LY75: variants seen among roughly 807,000 people sequenced by gnomAD.
The protein encoded by LY75 is C-type lectin domain family 13 member B.
LY75 carries 185 observed loss-of-function variants against 231.7 expected under a neutral mutation model. That is an observed-to-expected ratio of 0.80 (90% CI 0.71 to 0.90). The LOEUF is 0.90. LY75 is among the 40% of genes least tolerant of loss of function. The pLI is 0.00. For synonymous variants in LY75, 668 were observed against 689.0 expected (o/e 0.97, Z 0.48); for missense variants, 1,947 against 2,050.2 (o/e 0.95, Z 0.97).
intron 27 of LY75, 132 bp from the exon 28 acceptor site, chr2:159,831,918 A>G: frequency 1.4e-6 from 1 of 693,156 alleles, no homozygotes; most frequent in Non-Finnish European, 2.2e-6. Flanking sequence ...AATTAGAAAC[A>G]TATGTAAAAT....
Position 159,852,217 on chromosome 2 carries a change from A to T in LY75, c.2867T>A (p.Ile956Asn). ...AAKVQCSEQW[I>N]PFQNKCFLKI... is the part of the protein sequence containing the mutation. ...TCTTTTTACCTTATTCTGAAAAGGAATCCATTGCTCAGAACATTGCACTTT... is the reference window on the plus strand; with the variant it reads ...TCTTTTTACCTTATTCTGAAAAGGATTCCATTGCTCAGAACATTGCACTTT... The change falls in exon 21 of 35, where the codon ATT becomes AAT. Residue 956 changes from isoleucine to asparagine, a missense_variant. Ile to Asn is a moderately radical substitution (Grantham distance 149). Transcript: ENST00000263636. The T allele has an allele frequency of 6.2e-7, 1 of 1,613,562 alleles. No individual in the cohort carries two copies. The highest frequency in any genetic ancestry group is 8.5e-7 in the Non-Finnish European group (1 of 1,179,794).
intron 19 of LY75, 129 bp from the exon 20 acceptor site, chr2:159,853,481 T>G (rs1281574342): frequency 4.1e-6 from 6 of 1,461,500 alleles, no homozygotes; most frequent in Non-Finnish European, 5.6e-6. Flanking sequence ...TTTTTCTTGA[T>G]GCTAACATGC....
At chr2:159,870,699 A>G (rs1259463981) in intron 13 of LY75, among the ~76,000 whole-genome samples, 1 of 147,304 alleles carries the variant, frequency 6.8e-6, no homozygotes, top group African/African-American at 2.5e-5. Flanking sequence ...TTAAATAGAG[A>G]TAGGGTCTCC....
At chr2:159,841,116 T>C in intron 24 of LY75, 161 bp from the exon 25 acceptor site, 1 of 639,228 alleles carries the variant, frequency 1.6e-6, no homozygotes, top group Non-Finnish European at 1.9e-6. Flanking sequence ...TCTTGCTGTA[T>C]ACCTTAAGGA....
intron 28 of LY75, among the ~76,000 whole-genome samples, chr2:159,827,304 G>A (rs1302779309): frequency 1.3e-5 from 2 of 152,126 alleles, no homozygotes; most frequent in African/African-American, 2.4e-5. Context: ...CAAAGGATAT[G>A]AACAGACACT....
At chr2:159,817,829 C>A (rs1683168151) in intron 29 of LY75, among the ~76,000 whole-genome samples, 1 of 152,094 alleles carries the variant, frequency 6.6e-6, no homozygotes, top group African/African-American at 2.4e-5. Context: ...GGGGGGATCA[C>A]CTGAGGTCAG....
In LY75 at chr2:159,904,504, CGCAGCCCTGCCCCA is replaced by C. The variant is rs1686179428; in HGVS notation, c.94+71_94+84del. On this transcript the variant is annotated intron_variant, in intron 1 of 34. Coordinates refer to ENST00000263636, the MANE Select transcript of LY75 (RefSeq NM_002349.4). ...AAGCAGCCGTGACCTGCCCCAGGGGCGCAGCCCTGCCCCAGGCTGGAAGGCAGCAGAGCTGTGGC... is the reference window on the plus strand; with the variant it reads ...AAGCAGCCGTGACCTGCCCCAGGGGCGGCTGGAAGGCAGCAGAGCTGTGGC... 13 of 1,372,546 alleles carry C rather than the reference CGCAGCCCTGCCCCA, an allele frequency of 9.5e-6. No individual in the cohort carries two copies. The South Asian group carries it at 1.9e-4, about 20-fold the overall frequency. The allele number at this position is 1,372,546 out of a possible 1,614,324, so 85.0% of individuals were successfully genotyped here. A position where few individuals can be genotyped will look rare whatever the true frequency, so the allele number is the denominator to read the frequency against.
chr2:159,808,023 TAGAG>T (rs1312344955), intron 33 of LY75: 6 of 936,198 alleles, frequency 6.4e-6, no homozygotes, highest in Non-Finnish European at 7.6e-6. Context: ...AAAATATTCT[TAGAG>T]AGAAGGGAAT....
chr2:159,855,080 G>T, intron 16 of LY75, 141 bp from the exon 17 acceptor site: 1 of 1,034,870 alleles, frequency 9.7e-7, no homozygotes, highest in Non-Finnish European at 1.4e-6. Context: ...TTCACGTTTT[G>T]ATCACTTTAG....
chr2:159,830,967 G>C (rs958439071), intron 28 of LY75, among the ~76,000 whole-genome samples: 3 of 152,198 alleles, frequency 2.0e-5, no homozygotes, highest in Admixed American at 2.0e-4. Flanking sequence ...AACACTAATA[G>C]AGTGATTCTG....
At chr2:159,831,540 A>G (rs1471486754) in intron 28 of LY75, 130 bp downstream of exon 28, 2 of 974,142 alleles carry the variant, frequency 2.1e-6, no homozygotes, top group Non-Finnish European at 3.1e-6. Context: ...GTATTTATGT[A>G]AGTTATGCTA....
intron 13 of LY75, among the ~76,000 whole-genome samples, chr2:159,870,154 T>C (rs1684968039): frequency 6.6e-6 from 1 of 152,156 alleles, no homozygotes; most frequent in Non-Finnish European, 1.5e-5. Flanking sequence ...GCAGAAGCTA[T>C]ATTAGAGCAA....
chr2:159,894,085 C>T lies in LY75; in HGVS notation c.467-1G>A. ...GAGTTCCCATCTCTGGTATAGATCT[C>T]TGGGTTGGAGAGGAAGTTGGGGAAA... On this transcript the variant is annotated splice_acceptor_variant, in intron 2 of 34. Coordinates refer to ENST00000263636, the MANE Select transcript of LY75 (RefSeq NM_002349.4). LOFTEE classifies it high-confidence loss of function. 6.3e-7 allele frequency: 1 copy of T among 1,594,476 alleles called. No individual in the cohort carries two copies. Among genetic ancestry groups the T allele is most frequent in the South Asian group, 1.1e-5 (1 of 87,734 alleles).
chr2:159,901,662 A>G (rs990123146), intron 1 of LY75, among the ~76,000 whole-genome samples: 1 of 152,250 alleles, frequency 6.6e-6, no homozygotes, highest in African/African-American at 2.4e-5. Flanking sequence ...ACACTACAGG[A>G]GAGGTGTGGA....
intron 26 of LY75, among the ~76,000 whole-genome samples, chr2:159,835,017 C>T (rs745508860): frequency 4.6e-5 from 7 of 152,166 alleles, no homozygotes; most frequent in Admixed American, 2.6e-4. Context: ...TAGAAATTGT[C>T]AACTCATCTC....
chr2:159,875,493 G>A lies in LY75; in HGVS notation c.1925C>T (p.Pro642Leu). ...GAAACTCTGCCAGCCTTCAGGACAG[G>A]GGTCATCAGGCTTAGGGGATGCTTC... ...PEEASPKPDD[P>L]CPEGWQSFPA... The change falls in exon 12 of 35, where the codon CCC becomes CTC. Residue 642 changes from proline to leucine, a missense_variant. Transcript: ENST00000263636. 2 of 1,614,006 alleles carry A rather than the reference G, an allele frequency of 1.2e-6. No homozygotes were observed. Among genetic ancestry groups the A allele is most frequent in the Non-Finnish European group, 1.7e-6 (2 of 1,179,992 alleles).
intron 24 of LY75, among the ~76,000 whole-genome samples, chr2:159,841,634 G>A (rs1684030743): frequency 6.6e-6 from 1 of 152,018 alleles, no homozygotes; most frequent in South Asian, 2.1e-4. Flanking sequence ...TTTGGATTAT[G>A]GAAAGGCATA....
chr2:159,815,699 G>C (rs1683103471), intron 30 of LY75, 126 bp from the exon 31 acceptor site: 1 of 1,158,288 alleles, frequency 8.6e-7, no homozygotes, highest in Non-Finnish European at 1.2e-6. Context: ...CAGTATTGTA[G>C]GTCTGAACCT....
intron 33 of LY75, chr2:159,808,155 G>A (rs1041094633): frequency 1.0e-6 from 1 of 982,890 alleles, no homozygotes; most frequent in African/African-American, 1.7e-5. Context: ...AGACATTCCT[G>A]TGGAGAAGAA....
Sources: gnomAD v4.1 joint callset for allele counts (sites outside exome capture counted in the v4.1 genomes callset) on GRCh38, gnomAD v4.1.1 for gene constraint, MANE v1.5 for transcripts, NCBI Gene and HGNC (gene_info 2026-07-23, HGNC 2026-07-21) for gene names.